Variants in ITK observed in about 807,000 individuals in gnomAD.
The protein encoded by ITK is tyrosine-protein kinase ITK/TSK.
In ITK, 45 loss-of-function variants were observed where a neutral mutation model predicts 87.6. The ratio of observed to expected loss-of-function variants is 0.51; its 90% CI spans 0.40 to 0.66. The LOEUF is 0.66. ITK is among the 30% of genes least tolerant of loss of function. The pLI is 0.00. For missense variants in ITK, 605 were observed against 766.3 expected (o/e 0.79, Z 2.48); for synonymous variants, 303 against 273.6 (o/e 1.11, Z -1.06).
At chr5:157,215,241 T>G (rs1275023880) in intron 4 of ITK, among the ~76,000 whole-genome samples, 1 of 152,214 alleles carries the variant, frequency 6.6e-6, no homozygotes, top group Non-Finnish European at 1.5e-5. Flanking sequence ...TCCTTCCATT[T>G]TCCTCTCTTC....
intron 9 of ITK, 54 bp from the exon 10 acceptor site, chr5:157,240,008 G>GT (rs1473949993): frequency 3.2e-6 from 5 of 1,568,664 alleles, no homozygotes; most frequent in South Asian, 1.1e-5. Context: ...AGACTTTTTT[G>GT]TGTCTCAACA....
chr5:157,193,366 T>A (rs564320917), intron 1 of ITK, among the ~76,000 whole-genome samples: 3 of 152,278 alleles, frequency 2.0e-5, no homozygotes, highest in African/African-American at 7.2e-5. Context: ...TGAGAAAGCA[T>A]GTTGTCAAAA....
chr5:157,231,051 G>A (rs996968407), intron 7 of ITK, among the ~76,000 whole-genome samples: 12 of 152,188 alleles, frequency 7.9e-5, no homozygotes, highest in African/African-American at 2.9e-4. Flanking sequence ...TGAACTTAGT[G>A]TTGTCTAGTT....
chr5:157,252,739 T>C lies in ITK; in HGVS notation c.*61T>C, dbSNP rs1755168158. 7.7e-7 allele frequency: 1 copy of C among 1,293,276 alleles called. No homozygotes were observed. Among genetic ancestry groups the C allele is most frequent in the African/African-American group, 1.5e-5 (1 of 68,590 alleles). The allele number at this position is 1,293,276 out of a possible 1,614,324, so 80.1% of individuals were successfully genotyped here. On this transcript the variant is annotated 3_prime_UTR_variant, in exon 17 of 17. Transcript: ENST00000422843. ...TGAATGGAGGAAGGATATGTCCTCA[T>C]TCCATAGAGCATTAGAAGCTGCCAC...
At chr5:157,204,127 C>G (rs546809381) in intron 1 of ITK, among the ~76,000 whole-genome samples, 2 of 152,330 alleles carry the variant, frequency 1.3e-5, no homozygotes, top group South Asian at 4.1e-4. Flanking sequence ...TCTCCCACTT[C>G]ACCCTCCCAA....
Position 157,244,488 on chromosome 5 carries a change from T to G in ITK, c.1449+10T>G. 6.5e-7 allele frequency: 1 copy of G among 1,531,134 alleles called. No individual in the cohort carries two copies. The highest frequency in any genetic ancestry group is 9.1e-7 in the Non-Finnish European group (1 of 1,104,210). The allele number at this position is 1,531,134 out of a possible 1,614,324, so 94.8% of individuals were successfully genotyped here. A position where few individuals can be genotyped will look rare whatever the true frequency, so the allele number is the denominator to read the frequency against. ...CATCCACAGAGACTTGGTATGAGCA[T>G]GCAGGGTGAACACCCACAGGTCCAG... is the stretch of plus-strand genomic sequence containing the variant. On this transcript the variant is annotated intron_variant, in intron 13 of 16. Transcript: ENST00000422843.
Position 157,238,090 on chromosome 5 carries a change from T to A in ITK, c.769-19T>A. ...GTTTCCTGAGATCACTAACTTTCCA[T>A]TCTTTCTAACCATTCCAGGGCAAAG... On this transcript the variant is annotated intron_variant, in intron 8 of 16. Transcript: ENST00000422843. The A allele has an allele frequency of 6.3e-7, 1 of 1,598,208 alleles. No individual in the cohort carries two copies.
At chr5:157,191,767 A>G (rs1189050681) in intron 1 of ITK, among the ~76,000 whole-genome samples, 2 of 152,208 alleles carry the variant, frequency 1.3e-5, no homozygotes, top group African/African-American at 4.8e-5. Context: ...GAATAGGTGA[A>G]CTTATCTGTT....
intron 3 of ITK, chr5:157,213,482 A>T (rs188556569): frequency 9.9e-6 from 4 of 405,134 alleles, no homozygotes; most frequent in African/African-American, 8.3e-5. Context: ...GGCTCAAGTG[A>T]TCCTCCCACT....
Position 157,217,892 on chromosome 5 carries a change from TC to T in ITK, c.482del (p.Pro161LeufsTer104), listed in dbSNP as rs750796081. The T allele has an allele frequency of 1.9e-6, 3 of 1,613,996 alleles. No individual in the cohort carries two copies. The highest frequency in any genetic ancestry group is 1.1e-5 in the South Asian group (1 of 91,072). ...CTTCAAAGAAGCCTCTTCCTCCTACTCCTGAAGACAACAGGGTGAGTGAGAG... is the reference window on the plus strand; with the variant it reads ...CTTCAAAGAAGCCTCTTCCTCCTACTCTGAAGACAACAGGGTGAGTGAGAG... ...NASKKPLPPT[P>X]EDNRRPLWEP... On this transcript the variant is annotated frameshift_variant, in exon 5 of 17. Coordinates refer to ENST00000422843, the MANE Select transcript of ITK (RefSeq NM_005546.4). LOFTEE classifies it high-confidence loss of function.
intron 1 of ITK, among the ~76,000 whole-genome samples, chr5:157,205,533 TGAC>T (rs1280123183): frequency 1.5e-4 from 23 of 152,328 alleles, no homozygotes; most frequent in African/African-American, 5.5e-4. Flanking sequence ...TATGAAGACA[TGAC>T]GAAATGCTTC....
intron 6 of ITK, among the ~76,000 whole-genome samples, chr5:157,226,360 A>G (rs577500893): frequency 1.6e-4 from 25 of 152,380 alleles, no homozygotes; most frequent in African/African-American, 6.0e-4. Flanking sequence ...TTTGGGTGGC[A>G]TATGCTATTC....
intron 1 of ITK, among the ~76,000 whole-genome samples, chr5:157,200,266 A>C (rs1753938329): frequency 6.6e-6 from 1 of 152,108 alleles, no homozygotes; most frequent in South Asian, 2.1e-4. Flanking sequence ...TGAGGATGGC[A>C]TATCTTTGAA....
At chr5:157,234,932 A>G (rs2113768977) in intron 8 of ITK, among the ~76,000 whole-genome samples, 1 of 152,250 alleles carries the variant, frequency 6.6e-6, no homozygotes, top group East Asian at 1.9e-4. Context: ...TTCAAGTATA[A>G]TAATAATAAA....
intron 2 of ITK, among the ~76,000 whole-genome samples, chr5:157,209,289 G>A (rs1754140692): frequency 1.3e-5 from 2 of 149,620 alleles, no homozygotes; most frequent in Non-Finnish European, 1.5e-5. Flanking sequence ...CCAAGATCGT[G>A]CCATTCACTC....
At chr5:157,190,132 T>A (rs1185240107) in intron 1 of ITK, among the ~76,000 whole-genome samples, 1 of 152,256 alleles carries the variant, frequency 6.6e-6, no homozygotes, top group Non-Finnish European at 1.5e-5. Context: ...ATACAGGTTC[T>A]TATGTCTTAT....
chr5:157,235,482 T>C (rs1754759417), intron 8 of ITK, among the ~76,000 whole-genome samples: 1 of 152,364 alleles, frequency 6.6e-6, no homozygotes, highest in African/African-American at 2.4e-5. Flanking sequence ...GTTCTCACTC[T>C]GCCTCCAATC....
intron 5 of ITK, among the ~76,000 whole-genome samples, chr5:157,221,634 A>G (rs1218511078): frequency 1.3e-5 from 2 of 152,286 alleles, no homozygotes; most frequent in East Asian, 3.9e-4. Flanking sequence ...GAAAGGTACT[A>G]TCATAATTTG....
At chr5:157,233,932 C>CATACATATATATATAT (rs1285827435) in intron 8 of ITK, among the ~76,000 whole-genome samples, 1 of 21,514 alleles carries the variant, frequency 4.6e-5, no homozygotes, top group East Asian at 1.6e-3. Context: ...CTTACTGATA[C>CATACATATATATATAT]ATATATATAT....
Sources: gnomAD v4.1 joint callset for allele counts (sites outside exome capture counted in the v4.1 genomes callset) on GRCh38, gnomAD v4.1.1 for gene constraint, MANE v1.5 for transcripts, NCBI Gene and HGNC (gene_info 2026-07-23, HGNC 2026-07-21) for gene names.